Variants in ELP3 observed in about 807,000 individuals in gnomAD.
ELP3 encodes elongator acetyltransferase complex subunit 3, also known as elongator complex protein 3.
ELP3 carries 56 observed loss-of-function variants against 74.9 expected under a neutral mutation model. The observed-to-expected ratio is 0.75, with a 90% confidence interval of 0.60 to 0.93. The LOEUF is 0.93. Ranked by LOEUF, ELP3 falls within the 40% of genes least tolerant of loss-of-function variation. The pLI is 0.00. For missense variants in ELP3, 573 were observed against 686.5 expected (o/e 0.83, Z 1.85); for synonymous variants, 222 against 239.8 (o/e 0.93, Z 0.68).
Position 28,105,411 on chromosome 8 carries a change from T to A in ELP3, c.259-1302T>A, listed in dbSNP as rs538688650. ...TCTCAAAAAGGAAAAAAAAGGAAAA[T>A]GTTCCAGGCTTATCTTAGACTTTCT... On this transcript the variant is annotated intron_variant, in intron 3 of 14. Coordinates refer to ENST00000256398, the MANE Select transcript of ELP3 (RefSeq NM_018091.6). 3.6e-4 allele frequency among the ~76,000 whole-genome samples: 55 copies of A among 152,084 alleles called. 1 individual carries two copies. In the South Asian group the frequency reaches 8.3e-3, roughly 23 times the overall value.
chr8:28,115,417 T>C (rs966984837), intron 7 of ELP3, among the ~76,000 whole-genome samples: 6 of 152,176 alleles, frequency 3.9e-5, no homozygotes, highest in African/African-American at 1.4e-4. Flanking sequence ...CACACACATA[T>C]CTGTATATAA....
chr8:28,105,118 A>G (rs553094800), intron 3 of ELP3, among the ~76,000 whole-genome samples: 3 of 152,070 alleles, frequency 2.0e-5, no homozygotes, highest in Non-Finnish European at 4.4e-5. Flanking sequence ...ATGGTGGCTC[A>G]CGCCTGTAAT....
intron 14 of ELP3, among the ~76,000 whole-genome samples, chr8:28,168,340 A>T (rs1305721423): frequency 1.3e-5 from 2 of 152,196 alleles, no homozygotes; most frequent in Non-Finnish European, 2.9e-5. Flanking sequence ...GCATTTGGCA[A>T]ATGCTGTTGC....
chr8:28,165,034 C>T (rs1470544664), intron 14 of ELP3, among the ~76,000 whole-genome samples: 1 of 151,996 alleles, frequency 6.6e-6, no homozygotes, highest in Non-Finnish European at 1.5e-5. Flanking sequence ...TGAGAAGAGG[C>T]ACTGATTTGG....
chr8:28,158,901 G>C (rs1018830155), intron 12 of ELP3, among the ~76,000 whole-genome samples: 9 of 152,228 alleles, frequency 5.9e-5, no homozygotes, highest in Non-Finnish European at 1.3e-4. Flanking sequence ...TCTGTGATCT[G>C]AGCTATCCAA....
intron 7 of ELP3, among the ~76,000 whole-genome samples, chr8:28,126,951 T>C (rs1159781992): frequency 6.6e-6 from 1 of 150,428 alleles, no homozygotes; most frequent in East Asian, 1.9e-4. Flanking sequence ...TTTAATTGCT[T>C]TTCAGATGCA....
At chr8:28,125,725 G>A (rs987569027) in intron 7 of ELP3, among the ~76,000 whole-genome samples, 2 of 143,964 alleles carry the variant, frequency 1.4e-5, no homozygotes, top group African/African-American at 5.2e-5. Context: ...TTATATTTCT[G>A]CCACTTCTAG....
chr8:28,096,029 G>T (rs1226963838), intron 1 of ELP3, among the ~76,000 whole-genome samples: 1 of 152,194 alleles, frequency 6.6e-6, no homozygotes, highest in Non-Finnish European at 1.5e-5. Flanking sequence ...TACTGCCTAA[G>T]CTCTGCCTCC....
chr8:28,126,816 T>C lies in ELP3; in HGVS notation c.618-2686T>C, dbSNP rs78513856. The stretch of plus-strand genomic sequence containing the variant: ...TATGTTGATATATTTACATCTCTGT[T>C]AAATGAAGAATCAGATTTGGTGAGA... On this transcript the variant is annotated intron_variant, in intron 7 of 14. Coordinates refer to ENST00000256398, the MANE Select transcript of ELP3 (RefSeq NM_018091.6). 9.2e-3 allele frequency among the ~76,000 whole-genome samples: 1,395 copies of C among 152,328 alleles called. 20 individuals are homozygous for C. The highest frequency in any genetic ancestry group is 0.031 in the African/African-American group (1,279 of 41,558).
rs1813466005 is a variant in ELP3, at chr8:28,147,142, G to C, written c.1101-8800G>C. Among the ~76,000 whole-genome samples, 1 of 152,162 alleles carries C rather than the reference G, an allele frequency of 6.6e-6. No individual in the cohort carries two copies. The highest frequency in any genetic ancestry group is 1.5e-5 in the Non-Finnish European group (1 of 68,036). ...GCCTCCTGGGTCTTTTTATCATACA[G>C]TTCTGCTTACCAACACTGTATGTAA... is the stretch of plus-strand genomic sequence containing the variant. On this transcript the variant is annotated intron_variant, in intron 10 of 14. Coordinates refer to ENST00000256398, the MANE Select transcript of ELP3 (RefSeq NM_018091.6). The surrounding 1 kb of genome is among the most constrained non-coding windows in gnomAD (Gnocchi z 4.5).
At chr8:28,110,297 TA>T in intron 5 of ELP3, 72 bp from the exon 6 acceptor site, 2 of 1,338,546 alleles carry the variant, frequency 1.5e-6, no homozygotes, top group South Asian at 2.5e-5. Context: ...GAGTTTTTTT[TA>T]AAATACAGTC....
intron 3 of ELP3, among the ~76,000 whole-genome samples, chr8:28,104,579 C>G (rs572313866): frequency 6.6e-6 from 1 of 152,192 alleles, no homozygotes; most frequent in Non-Finnish European, 1.5e-5. Flanking sequence ...GTTATCTTAA[C>G]GCTTTTGAAG....
Position 28,189,947 on chromosome 8 carries a change from C to T in ELP3, c.*222C>T, listed in dbSNP as rs1446030147. ...TGCGTGCACCCCAAAAAATCACTTG[C>T]GTTTTTGAGGCTTAAATCATCTATC... On this transcript the variant is annotated 3_prime_UTR_variant, in exon 15 of 15. Coordinates refer to ENST00000256398, the MANE Select transcript of ELP3 (RefSeq NM_018091.6). 8.8e-6 allele frequency: 4 copies of T among 456,374 alleles called. No individual in the cohort carries two copies. Among genetic ancestry groups the T allele is most frequent in the South Asian group, 3.7e-5 (1 of 26,886 alleles). 28.3% of individuals were successfully genotyped at this position (456,374 alleles called of 1,614,324 possible).
chr8:28,096,545 G>GC (rs1002962824), intron 1 of ELP3, among the ~76,000 whole-genome samples: 1 of 152,188 alleles, frequency 6.6e-6, no homozygotes, highest in African/African-American at 2.4e-5. Context: ...TTAGAGATAT[G>GC]CCCATCCTTG....
intron 10 of ELP3, among the ~76,000 whole-genome samples, chr8:28,141,690 A>G (rs1299409026): frequency 6.6e-6 from 1 of 152,232 alleles, no homozygotes; most frequent in African/African-American, 2.4e-5. Flanking sequence ...AATTATTTGT[A>G]CTGCACTTGG....
At position 28,107,944 on chromosome 8, in the gene ELP3, G is replaced by C; in HGVS notation, c.361G>C (p.Glu121Gln). ...YCPGGPDSDF[E>Q]YSTQSYTGYE... ...CCCTGGTGGACCTGATTCTGATTTTGAGTATTCCACCCAGTCTTACACTGG... is the reference window on the plus strand; with the variant it reads ...CCCTGGTGGACCTGATTCTGATTTTCAGTATTCCACCCAGTCTTACACTGG... Residue 121 changes from glutamate to glutamine, a missense_variant, in exon 5 of 15, where the codon GAG (glutamate) becomes CAG (glutamine). Coordinates refer to ENST00000256398, the MANE Select transcript of ELP3 (RefSeq NM_018091.6). The C allele has an allele frequency of 1.9e-6, 3 of 1,613,980 alleles. No individual in the cohort carries two copies. The highest frequency in any genetic ancestry group is 2.5e-6 in the Non-Finnish European group (3 of 1,179,970).
chr8:28,120,802 C>A (rs1812337410), intron 7 of ELP3, among the ~76,000 whole-genome samples: 1 of 152,154 alleles, frequency 6.6e-6, no homozygotes, highest in Non-Finnish European at 1.5e-5. Context: ...TAAAGATTTT[C>A]CTTCCCTATT....
intron 11 of ELP3, among the ~76,000 whole-genome samples, chr8:28,156,985 T>C (rs1224438172): frequency 1.3e-5 from 2 of 152,172 alleles, no homozygotes; most frequent in African/African-American, 2.4e-5. Context: ...CAAGATTGTG[T>C]GCCTGCTTTG....
chr8:28,101,205 C>A (rs1811467707), intron 3 of ELP3, among the ~76,000 whole-genome samples: 1 of 151,726 alleles, frequency 6.6e-6, no homozygotes, highest in Admixed American at 6.6e-5. Context: ...ATCACAAGGT[C>A]AGGTCAAGAC....
Sources: allele counts gnomAD v4.1 joint callset (sites outside exome capture counted in the v4.1 genomes callset), GRCh38; gene constraint gnomAD v4.1.1; non-coding constraint Gnocchi (gnomAD v3.1); transcripts MANE v1.5; gene names NCBI Gene and HGNC (gene_info 2026-07-23, HGNC 2026-07-21).